CCDC192: variants seen among roughly 807,000 people sequenced by gnomAD.
CCDC192 encodes the protein coiled-coil domain-containing protein 192.
At chr5:127,857,844 A>G (rs774455617) in intron 5 of CCDC192, 13 of 152,184 alleles carry the variant, frequency 8.5e-5, no homozygotes, top group Non-Finnish European at 1.5e-4. Context: ...GCCCATCCAC[A>G]TTATTAAGGG....
intron 3 of CCDC192, among the ~76,000 whole-genome samples, chr5:127,787,573 T>C (rs1337270141): frequency 2.0e-5 from 3 of 152,250 alleles, no homozygotes; most frequent in Non-Finnish European, 4.4e-5. Flanking sequence ...CTTTATTCTC[T>C]ATTGTTGTGA....
intron 6 of CCDC192, among the ~76,000 whole-genome samples, chr5:127,883,136 C>G (rs1209987249): frequency 6.6e-6 from 1 of 152,172 alleles, no homozygotes; most frequent in Non-Finnish European, 1.5e-5. Context: ...GCACTCTGCT[C>G]CCTACTCTCT....
intron 5 of CCDC192, among the ~76,000 whole-genome samples, chr5:127,813,212 T>C (rs1758179404): frequency 6.6e-6 from 1 of 152,174 alleles, no homozygotes; most frequent in Non-Finnish European, 1.5e-5. Flanking sequence ...GGACTTAAAC[T>C]GTCCCTATTT....
chr5:127,795,231 A>G (rs1757095209), intron 3 of CCDC192, among the ~76,000 whole-genome samples: 1 of 147,790 alleles, frequency 6.8e-6, no homozygotes, highest in South Asian at 2.2e-4. Flanking sequence ...CGAAGGTTGC[A>G]GTGAGCAGCG....
chr5:127,901,171 T>G (rs1468848373), intron 6 of CCDC192, among the ~76,000 whole-genome samples: 2 of 152,242 alleles, frequency 1.3e-5, no homozygotes, highest in African/African-American at 4.8e-5. Flanking sequence ...GATGAACTCT[T>G]TCTTTTTATG....
At chr5:127,898,221 G>T (rs62375865) in intron 6 of CCDC192, among the ~76,000 whole-genome samples, 41,666 of 151,558 alleles carry the variant, frequency 0.27, 5,954 homozygotes, top group African/African-American at 0.34. Flanking sequence ...TGATTCTCCT[G>T]CCTAGGCCCC....
intron 2 of CCDC192, among the ~76,000 whole-genome samples, chr5:127,724,092 A>G (rs2126803956): frequency 6.6e-6 from 1 of 152,328 alleles, no homozygotes; most frequent in Admixed American, 6.5e-5. Flanking sequence ...GATAATTTGG[A>G]TTCTGAAAAT....
chr5:127,805,691 G>T (rs921014591), intron 5 of CCDC192, among the ~76,000 whole-genome samples: 5 of 152,242 alleles, frequency 3.3e-5, no homozygotes, highest in Admixed American at 6.5e-5. Context: ...GAAGCAGGTG[G>T]TACTGAATGA....
chr5:127,806,208 T>G (rs1757771996), intron 5 of CCDC192, among the ~76,000 whole-genome samples: 1 of 152,190 alleles, frequency 6.6e-6, no homozygotes, highest in African/African-American at 2.4e-5. Context: ...ACTAATTAGT[T>G]GTTGGCTTTA....
At chr5:127,720,714 T>A (rs764955617) in intron 2 of CCDC192, among the ~76,000 whole-genome samples, 3 of 152,174 alleles carry the variant, frequency 2.0e-5, no homozygotes, top group Non-Finnish European at 2.9e-5. Context: ...TTCCATACAT[T>A]CCTTGAAATC....
At chr5:127,793,932 G>C (rs940125711) in intron 3 of CCDC192, among the ~76,000 whole-genome samples, 3 of 152,152 alleles carry the variant, frequency 2.0e-5, no homozygotes, top group African/African-American at 7.2e-5. Context: ...GTAAGGTAGG[G>C]TTTGCTTCAA....
chr5:127,755,030 T>C lies in CCDC192; in HGVS notation c.222+655T>C, dbSNP rs142006672. 4.0e-3 allele frequency among the ~76,000 whole-genome samples: 612 copies of C among 152,196 alleles called. 2 individuals carry two copies. Among genetic ancestry groups the C allele is most frequent in the Middle Eastern group, 6.8e-3 (2 of 294 alleles). On this transcript the variant is annotated intron_variant, in intron 3 of 6. Transcript: ENST00000514853. ...TCCCAATAAGATTATACTTTGCAAA[T>C]AGTGCAGCTATTGTTGCCTTTCCCC...
At chr5:127,926,086 A>T (rs1294133935) in intron 6 of CCDC192, among the ~76,000 whole-genome samples, 1 of 152,204 alleles carries the variant, frequency 6.6e-6, no homozygotes, top group Non-Finnish European at 1.5e-5. Flanking sequence ...GAACAGCAGG[A>T]TTGGTTACAG....
chr5:127,751,298 A>G (rs1240566890), intron 2 of CCDC192, among the ~76,000 whole-genome samples: 1 of 151,842 alleles, frequency 6.6e-6, no homozygotes, highest in Non-Finnish European at 1.5e-5. Context: ...GAGCTCTTTT[A>G]GGGCAGGCCT....
At chr5:127,707,358 A>G (rs1751028884) in intron 1 of CCDC192, among the ~76,000 whole-genome samples, 1 of 151,898 alleles carries the variant, frequency 6.6e-6, no homozygotes, top group Admixed American at 6.6e-5. Flanking sequence ...GAGACAAAGA[A>G]TTCTCCACGT....
At chr5:127,905,220 G>T (rs994404987) in intron 6 of CCDC192, among the ~76,000 whole-genome samples, 5 of 152,088 alleles carry the variant, frequency 3.3e-5, no homozygotes, top group Admixed American at 2.0e-4. Context: ...GGCTACCTCA[G>T]GAGACAAAAG....
chr5:127,735,895 C>G lies in CCDC192; in HGVS notation c.115-18373C>G, dbSNP rs898572272. Among the ~76,000 whole-genome samples, 698 of 135,840 alleles carry G rather than the reference C, an allele frequency of 5.1e-3. 11 individuals are homozygous for G. The highest frequency in any genetic ancestry group is 0.02 in the African/African-American group (664 of 32,782). 89.1% of individuals were successfully genotyped at this position (135,840 alleles called of 152,430 possible). The stretch of plus-strand genomic sequence containing the variant: ...GCAAAGAGGGACAATTTGACTTCCT[C>G]TTTTCCTAATTGAATACCGTTTATT... On this transcript the variant is annotated intron_variant, in intron 2 of 6. Transcript: ENST00000514853.
chr5:127,800,285 C>A (rs1261142340), intron 5 of CCDC192, among the ~76,000 whole-genome samples: 4 of 148,540 alleles, frequency 2.7e-5, no homozygotes, highest in African/African-American at 1.0e-4. Flanking sequence ...TCTTAAGCCT[C>A]CCCTGATTAG....
chr5:127,728,129 C>A (rs1195418723), intron 2 of CCDC192, among the ~76,000 whole-genome samples: 1 of 152,168 alleles, frequency 6.6e-6, no homozygotes, highest in Non-Finnish European at 1.5e-5. Context: ...TTCAAGATAT[C>A]ATCCAGGAGA....
Sources: allele counts gnomAD v4.1 joint callset (sites outside exome capture counted in the v4.1 genomes callset), GRCh38; gene constraint gnomAD v4.1.1; transcripts MANE v1.5; gene names NCBI Gene and HGNC (gene_info 2026-07-23, HGNC 2026-07-21).